Variants in LDB3 observed in about 807,000 individuals in gnomAD.
LDB3 encodes LIM domain-binding protein 3.
LDB3 carries 49 observed loss-of-function variants against 69.0 expected under a neutral mutation model. The ratio of observed to expected loss-of-function variants is 0.71; its 90% CI spans 0.56 to 0.90. LDB3 has a LOEUF of 0.90. LDB3 is among the 40% of genes least tolerant of loss of function. LDB3 has a pLI of 0.00. For missense variants in LDB3, 928 were observed against 974.1 expected (o/e 0.95, Z 0.63); for synonymous variants, 387 against 396.2 (o/e 0.98, Z 0.28).
intron 2 of LDB3, among the ~76,000 whole-genome samples, chr10:86,674,806 C>A (rs927771281): frequency 6.6e-6 from 1 of 152,128 alleles, no homozygotes; most frequent in Non-Finnish European, 1.5e-5. Flanking sequence ...GTGGAAGCAT[C>A]GTGCCTGGAC....
chr10:86,678,127 C>T (rs1353710923), intron 2 of LDB3, among the ~76,000 whole-genome samples: 4 of 152,078 alleles, frequency 2.6e-5, no homozygotes, highest in Admixed American at 2.0e-4. Context: ...CCTCCACCTC[C>T]TGGGTTCAAT....
intron 10 of LDB3, among the ~76,000 whole-genome samples, chr10:86,717,228 C>G (rs1254458641): frequency 6.6e-6 from 1 of 152,162 alleles, no homozygotes; most frequent in East Asian, 1.9e-4. Flanking sequence ...CAAGTGATTT[C>G]ATACTTAGAA....
At chr10:86,687,397 G>A in intron 5 of LDB3, 3 of 945,252 alleles carry the variant, frequency 3.2e-6, no homozygotes, top group Admixed American at 1.9e-5. Flanking sequence ...GGCCCTTGGA[G>A]GGGAGCCAGC....
intron 2 of LDB3, among the ~76,000 whole-genome samples, chr10:86,675,691 GC>G (rs1414678501): frequency 6.6e-6 from 1 of 152,250 alleles, no homozygotes; most frequent in African/African-American, 2.4e-5. Context: ...TCTTTGAAAT[GC>G]CCGGCAAATG....
At chr10:86,686,631 A>G (rs564703340) in intron 5 of LDB3, among the ~76,000 whole-genome samples, 3 of 152,088 alleles carry the variant, frequency 2.0e-5, no homozygotes, top group African/African-American at 7.2e-5. Flanking sequence ...AACCTGGGCA[A>G]CATCGTGAGA....
In LDB3 at chr10:86,699,543, G is replaced by C; in HGVS notation, c.896+6972G>C. The C allele has an allele frequency of 1.3e-6, 2 of 1,481,532 alleles. No homozygotes were observed. Among genetic ancestry groups the C allele is most frequent in the Non-Finnish European group, 1.8e-6 (2 of 1,117,448 alleles). The allele number at this position is 1,481,532 out of a possible 1,614,324, so 91.8% of individuals were successfully genotyped here. A position where few individuals can be genotyped will look rare whatever the true frequency, so the allele number is the denominator to read the frequency against. On this transcript the variant is annotated intron_variant, in intron 7 of 13. Coordinates refer to ENST00000361373, the MANE Select transcript of LDB3 (RefSeq NM_007078.3). The surrounding 1 kb of genome is among the most constrained non-coding windows in gnomAD (Gnocchi z 4.9). Reference sequence around the variant, plus strand: ...TCTGTCCTCTGCCCACCCCAGAGCTGATGCTGGGGCCCAGCCCCCTGCAGC... The same window carrying C: ...TCTGTCCTCTGCCCACCCCAGAGCTCATGCTGGGGCCCAGCCCCCTGCAGC...
chr10:86,702,535 C>CATGG (rs1846303622), intron 7 of LDB3, among the ~76,000 whole-genome samples: 1 of 152,182 alleles, frequency 6.6e-6, no homozygotes, highest in Non-Finnish European at 1.5e-5. Context: ...ACGCCAACCC[C>CATGG]CCATGGAGCC....
At chr10:86,690,526 G>A (rs890296298) in intron 5 of LDB3, among the ~76,000 whole-genome samples, 1 of 152,242 alleles carries the variant, frequency 6.6e-6, no homozygotes, top group East Asian at 1.9e-4. Context: ...AGCCAGGGCA[G>A]CTCCACCCAA....
chr10:86,681,326 T>C (rs1200562353), intron 4 of LDB3, 110 bp from the exon 5 acceptor site: 2 of 1,520,490 alleles, frequency 1.3e-6, no homozygotes, highest in Non-Finnish European at 1.8e-6. Context: ...GGCTTCAGGC[T>C]GCGGGGCTCG....
intron 9 of LDB3, 105 bp from the exon 10 acceptor site, chr10:86,716,222 C>G: frequency 2.2e-6 from 3 of 1,339,614 alleles, no homozygotes; most frequent in South Asian, 1.2e-5. Flanking sequence ...TTGTACTGCT[C>G]TAATGTTAAA....
chr10:86,693,687 A>G (rs1367478721), intron 7 of LDB3, among the ~76,000 whole-genome samples: 1 of 152,184 alleles, frequency 6.6e-6, no homozygotes, highest in East Asian at 1.9e-4. Context: ...CAGGGCATCT[A>G]GAGAGTCCGC....
At position 86,685,779 on chromosome 10, in the gene LDB3, AGT is replaced by A. The variant is rs1418462509; in HGVS notation, c.689+3980_689+3981del. 1.6e-5 allele frequency: 24 copies of A among 1,518,354 alleles called. No individual in the cohort carries two copies. In the Middle Eastern group the frequency reaches 6.8e-4, roughly 43 times the overall value. The allele number at this position is 1,518,354 out of a possible 1,614,324, so 94.1% of individuals were successfully genotyped here. On this transcript the variant is annotated intron_variant, in intron 5 of 13. Coordinates refer to ENST00000361373, the MANE Select transcript of LDB3 (RefSeq NM_007078.3). Reference sequence around the variant, plus strand: ...GTCTGCGTGTGTCTGGCGTGGATAGAGTGTGCCTGCTGGCATGTGTACATGTA... The same window carrying A: ...GTCTGCGTGTGTCTGGCGTGGATAGAGTGCCTGCTGGCATGTGTACATGTA...
At chr10:86,674,153 A>G (rs1196101822) in intron 2 of LDB3, among the ~76,000 whole-genome samples, 2 of 152,194 alleles carry the variant, frequency 1.3e-5, no homozygotes, top group Non-Finnish European at 2.9e-5. Flanking sequence ...TTCTGGGGGT[A>G]GCAGATGGGG....
intron 13 of LDB3, among the ~76,000 whole-genome samples, chr10:86,728,262 C>A (rs1847330236): frequency 6.6e-6 from 1 of 152,176 alleles, no homozygotes; most frequent in African/African-American, 2.4e-5. Context: ...GCCTGTTTTC[C>A]ATGGGCAGGC....
intron 9 of LDB3, among the ~76,000 whole-genome samples, chr10:86,714,747 T>C (rs1013942335): frequency 3.3e-5 from 5 of 151,926 alleles, no homozygotes; most frequent in Admixed American, 3.3e-4. Context: ...TTAGTAGAGA[T>C]GGGGTTTCAC....
chr10:86,692,119 C>T, intron 6 of LDB3, 54 bp downstream of exon 6: 2 of 1,599,428 alleles, frequency 1.3e-6, no homozygotes, highest in African/African-American at 1.3e-5. Context: ...GAGGGGCCAC[C>T]AGGGACCTGG....
intron 2 of LDB3, among the ~76,000 whole-genome samples, chr10:86,676,678 C>T (rs1844813275): frequency 6.6e-6 from 1 of 152,190 alleles, no homozygotes; most frequent in African/African-American, 2.4e-5. Flanking sequence ...CCGTCATCAC[C>T]CACGTGGTGT....
Position 86,733,112 on chromosome 10 carries a change from T to C in LDB3, c.*136T>C. 1 of 715,072 alleles carries C rather than the reference T, an allele frequency of 1.4e-6. No individual in the cohort carries two copies. Among genetic ancestry groups the C allele is most frequent in the Non-Finnish European group, 2.5e-6 (1 of 402,508 alleles). The allele number at this position is 715,072 out of a possible 1,614,324, so 44.3% of individuals were successfully genotyped here. On this transcript the variant is annotated 3_prime_UTR_variant, in exon 14 of 14. Coordinates refer to ENST00000361373, the MANE Select transcript of LDB3 (RefSeq NM_007078.3). ...GACTGAGCCCTTTGGAAGTATAATT[T>C]TAGGTTTTTTCTTCTGTACACAGAT... is the stretch of plus-strand genomic sequence containing the variant.
At chr10:86,675,508 C>T (rs966953955) in intron 2 of LDB3, among the ~76,000 whole-genome samples, 1 of 152,260 alleles carries the variant, frequency 6.6e-6, no homozygotes, top group African/African-American at 2.4e-5. Flanking sequence ...AATGACCCAG[C>T]CCTGCAGGGG....
Sources: allele counts gnomAD v4.1 joint callset (sites outside exome capture counted in the v4.1 genomes callset), GRCh38; gene constraint gnomAD v4.1.1; non-coding constraint Gnocchi (gnomAD v3.1); transcripts MANE v1.5; gene names NCBI Gene and HGNC (gene_info 2026-07-23, HGNC 2026-07-21).